Variants in TTC39A observed in about 807,000 individuals in gnomAD.
The protein encoded by TTC39A is tetratricopeptide repeat domain 39A.
Under a neutral mutation model 82.3 loss-of-function variants are expected in TTC39A, and 46 were observed. That is an observed-to-expected ratio of 0.56 (90% CI 0.44 to 0.71). The LOEUF is 0.71. Ranked by LOEUF, TTC39A falls within the 30% of genes least tolerant of loss-of-function variation. The probability of loss-of-function intolerance (pLI) is 0.00; values close to 1 mark genes in which losing one functional copy is unlikely to be tolerated. For missense variants in TTC39A, 543 were observed against 712.9 expected (o/e 0.76, Z 2.71); for synonymous variants, 254 against 275.2 (o/e 0.92, Z 0.76).
At chr1:51,302,700 C>G in intron 9 of TTC39A, 127 bp from the exon 10 acceptor site, 1 of 1,032,778 alleles carries the variant, frequency 9.7e-7, no homozygotes. Context: ...ATAATTCTCC[C>G]TGTCCCTAGG....
At chr1:51,302,443 G>A in intron 10 of TTC39A, 27 bp from the exon 11 acceptor site, 6 of 1,607,020 alleles carry the variant, frequency 3.7e-6, no homozygotes, top group Non-Finnish European at 5.1e-6. Flanking sequence ...GTAAGTCCGT[G>A]TGGGTCCGTG....
Position 51,290,134 on chromosome 1 carries a change from G to A in TTC39A, c.1379-15C>T, listed in dbSNP as rs185532830. On this transcript the variant is annotated splice_polypyrimidine_tract_variant and intron_variant, in intron 15 of 17. Coordinates refer to ENST00000680483, the MANE Select transcript of TTC39A (RefSeq NM_001297663.2). ...GTACTCGTTCTCTGAAAATAGGGAT[G>A]TGAGGGAAAAAGACAGACTTGTTCA... is the stretch of plus-strand genomic sequence containing the variant. The A allele has an allele frequency of 7.6e-5, 122 of 1,607,460 alleles. No homozygotes were observed. In the Middle Eastern group the frequency reaches 4.3e-3, roughly 57 times the overall value.
At chr1:51,312,407 C>T (rs144116684) in intron 3 of TTC39A, among the ~76,000 whole-genome samples, 1 of 152,338 alleles carries the variant, frequency 6.6e-6, no homozygotes, top group African/African-American at 2.4e-5. Context: ...CAAATGGGGA[C>T]AGTTACCACC....
intron 1 of TTC39A, among the ~76,000 whole-genome samples, chr1:51,343,766 G>A (rs970788448): frequency 1.3e-5 from 2 of 152,094 alleles, no homozygotes; most frequent in African/African-American, 4.8e-5. Context: ...CCATGGAAGG[G>A]TTTTATTTTC....
rs989521652 is a variant in TTC39A at position 51,294,143 on chromosome 1, C to T, written c.1266+248G>A. ...TGCCTGGGCACATGGACATGGGGCTCTCTGTCCAGGAGGGTGTCCCTCTCT... is the reference window on the plus strand; with the variant it reads ...TGCCTGGGCACATGGACATGGGGCTTTCTGTCCAGGAGGGTGTCCCTCTCT... On this transcript the variant is annotated intron_variant, in intron 14 of 17. Coordinates refer to ENST00000680483, the MANE Select transcript of TTC39A (RefSeq NM_001297663.2). The surrounding 1 kb of genome is among the most constrained non-coding windows in gnomAD (Gnocchi z 4.3). Among the ~76,000 whole-genome samples the T allele has an allele frequency of 6.6e-6, 1 of 152,170 alleles. No individual in the cohort carries two copies. Among genetic ancestry groups the T allele is most frequent in the Non-Finnish European group, 1.5e-5 (1 of 68,022 alleles).
In TTC39A at chr1:51,296,091, A is replaced by G. The variant is rs759179415; in HGVS notation, c.1133T>C (p.Val378Ala). The part of the protein sequence containing the change: ...EDHKPFGDDE[V>A]ELFRAVPGLK... The stretch of plus-strand genomic sequence containing the variant: ...ATGTGGGACCCACCGAAATAATTCC[A>G]CTTCGTCGTCCCCGAACGGCTTGTG... The change falls in exon 13 of 18, where the codon GTG becomes GCG. Residue 378 changes from valine (V) to alanine (A), a missense_variant. Val to Ala is a moderately conservative substitution (Grantham distance 64). Coordinates refer to ENST00000680483, the MANE Select transcript of TTC39A (RefSeq NM_001297663.2). 6.3e-6 allele frequency: 10 copies of G among 1,588,336 alleles called. No homozygotes were observed. The African/African-American group carries it at 1.2e-4, about 19-fold the overall frequency.
At chr1:51,292,633 G>A (rs1049307685) in intron 14 of TTC39A, among the ~76,000 whole-genome samples, 2 of 152,094 alleles carry the variant, frequency 1.3e-5, no homozygotes, top group African/African-American at 4.8e-5. Flanking sequence ...GTTTCACCAT[G>A]TTGGCCAGGC....
At chr1:51,289,758 G>A (rs1644131299) in intron 16 of TTC39A, among the ~76,000 whole-genome samples, 1 of 152,184 alleles carries the variant, frequency 6.6e-6, no homozygotes, top group African/African-American at 2.4e-5. Flanking sequence ...AGGGGACACT[G>A]TTCACTCAAA....
intron 2 of TTC39A, among the ~76,000 whole-genome samples, chr1:51,317,793 C>T (rs923745990): frequency 1.3e-5 from 2 of 152,090 alleles, no homozygotes; most frequent in African/African-American, 4.8e-5. Context: ...GGAAAGGATC[C>T]TTTTCTGGAA....
intron 1 of TTC39A, among the ~76,000 whole-genome samples, chr1:51,338,879 A>C (rs887237568): frequency 1.3e-5 from 2 of 152,164 alleles, no homozygotes; most frequent in Non-Finnish European, 2.9e-5. Flanking sequence ...CTGGGATTAC[A>C]GGTGTGAGCC....
chr1:51,288,072 G>T lies in TTC39A; in HGVS notation c.*85C>A. ...GCCGGTGGACCCCAAAGGCAGGGCAGGGCAGGGGGAGGGGGTATTTTGAAA... is the reference window on the plus strand; with the variant it reads ...GCCGGTGGACCCCAAAGGCAGGGCATGGCAGGGGGAGGGGGTATTTTGAAA... On this transcript the variant is annotated 3_prime_UTR_variant, in exon 18 of 18. Coordinates refer to ENST00000680483, the MANE Select transcript of TTC39A (RefSeq NM_001297663.2). The surrounding 1 kb of genome is among the most constrained non-coding windows in gnomAD (Gnocchi z 4.8). The T allele has an allele frequency of 6.4e-7, 1 of 1,556,592 alleles. No homozygotes were observed.
At chr1:51,305,168 A>C (rs1484066228) in intron 7 of TTC39A, 22 bp from the exon 8 acceptor site, 1 of 1,612,526 alleles carries the variant, frequency 6.2e-7, no homozygotes, top group Non-Finnish European at 8.5e-7. Context: ...GAGGCAATCA[A>C]GCCTGTGAAG....
rs190526082 is a variant in TTC39A at position 51,309,419 on chromosome 1, G to A, written c.424-94C>T. The A allele has an allele frequency of 7.5e-5, 120 of 1,595,316 alleles. No homozygotes were observed. The African/African-American group carries it at 1.2e-3, about 16-fold the overall frequency. ...AGGCTCTGGGCCTGACTGCCCCTCCGTGTGAGGAACCCTGGGGGGATGAGG... is the reference window on the plus strand; with the variant it reads ...AGGCTCTGGGCCTGACTGCCCCTCCATGTGAGGAACCCTGGGGGGATGAGG... On this transcript the variant is annotated intron_variant, in intron 5 of 17. Coordinates refer to ENST00000680483, the MANE Select transcript of TTC39A (RefSeq NM_001297663.2).
upstream of TTC39A, among the ~76,000 whole-genome samples, chr1:51,335,563 CAAAA>C: frequency 1.5e-5 from 1 of 68,082 alleles, no homozygotes; most frequent in Admixed American, 1.8e-4. Context: ...TCTTGTCTCA[CAAAA>C]AAAAAAAAAA....
chr1:51,304,760 C>T, intron 8 of TTC39A, among the ~76,000 whole-genome samples: 1 of 152,204 alleles, frequency 6.6e-6, no homozygotes, highest in South Asian at 2.1e-4. Flanking sequence ...GAGGCAGTAT[C>T]TAGGGAGAGA....
chr1:51,296,297 A>G, intron 12 of TTC39A, 127 bp from the exon 13 acceptor site: 1 of 883,124 alleles, frequency 1.1e-6, no homozygotes, highest in East Asian at 2.7e-5. Flanking sequence ...CCCAGGGGAG[A>G]AATGAAGGTA....
At chr1:51,320,400 T>G (rs1485490529) in intron 2 of TTC39A, among the ~76,000 whole-genome samples, 1 of 139,450 alleles carries the variant, frequency 7.2e-6, no homozygotes, top group Non-Finnish European at 1.5e-5. Flanking sequence ...TCTTTTCTTT[T>G]TTTCTTTTTC....
chr1:51,302,409 A>G lies in TTC39A; in HGVS notation c.839T>C (p.Ile280Thr), dbSNP rs1433533378. The G allele has an allele frequency of 1.2e-6, 2 of 1,609,966 alleles. No individual in the cohort carries two copies. Among genetic ancestry groups the G allele is most frequent in the South Asian group, 1.1e-5 (1 of 90,098 alleles). ...PYLNRYPKGA[I>T]FLFFAGRIEV... ...AATCCTCCCTGCAAAGAACAGGAAG[A>G]TGGCACCCTGCAATGACACACATGT... The change falls in exon 11 of 18, where the codon ATC (isoleucine) becomes ACC (threonine). Residue 280 changes from isoleucine to threonine, a missense_variant. Ile to Thr is a moderately conservative substitution (Grantham distance 89). Coordinates refer to ENST00000680483, the MANE Select transcript of TTC39A (RefSeq NM_001297663.2).
In TTC39A at chr1:51,321,592, C is replaced by T; in HGVS notation, c.146+129G>A. ...TGGAGCTTGAGCCATTTTTATGGGA[C>T]TTCTCAGAGGTCCTGGTGACCCAGA... is the stretch of plus-strand genomic sequence containing the variant. On this transcript the variant is annotated intron_variant, in intron 2 of 17. Coordinates refer to ENST00000680483, the MANE Select transcript of TTC39A (RefSeq NM_001297663.2). This position sits in a 1 kb window ranked among gnomAD's most constrained non-coding sequence, Gnocchi z 4.6. 1 of 791,422 alleles carries T rather than the reference C, an allele frequency of 1.3e-6. No homozygotes were observed. Among genetic ancestry groups the T allele is most frequent in the Admixed American group, 2.4e-5 (1 of 42,098 alleles). 49.0% of individuals were successfully genotyped at this position (791,422 alleles called of 1,614,324 possible).
Sources: allele counts gnomAD v4.1 joint callset (sites outside exome capture counted in the v4.1 genomes callset), GRCh38; gene constraint gnomAD v4.1.1; non-coding constraint Gnocchi (gnomAD v3.1); transcripts MANE v1.5; gene names NCBI Gene and HGNC (gene_info 2026-07-23, HGNC 2026-07-21).